NRDC: variants seen among roughly 807,000 people sequenced by gnomAD.
NRDC encodes nardilysin.
Under a neutral mutation model 147.1 loss-of-function variants are expected in NRDC, and 54 were observed. The ratio of observed to expected loss-of-function variants is 0.37; its 90% CI spans 0.29 to 0.46. NRDC has a LOEUF of 0.46. Ranked by LOEUF, NRDC falls within the 20% of genes least tolerant of loss-of-function variation. The probability of loss-of-function intolerance (pLI) is 1.00; values close to 1 mark genes in which losing one functional copy is unlikely to be tolerated. For missense variants in NRDC, 1,082 were observed against 1,370.6 expected (o/e 0.79, Z 3.33); for synonymous variants, 440 against 482.1 (o/e 0.91, Z 1.14).
chr1:51,840,418 T>G lies in NRDC; in HGVS notation c.438A>C (p.Glu146Asp). ...KTGNTTDDEE[E>D]EEVEEEEEDD... ...CTTCTTCTTCTTCCTCCACCTCCTC[T>G]TCTTCTTCATCATCTGTTGTATTTC... Residue 146 changes from glutamate (E) to aspartate (D), a missense_variant, in exon 2 of 31, where the codon GAA (glutamate) becomes GAC (aspartate). By Grantham distance (45) the Glu-to-Asp change is conservative. Around this residue, in one of 3 missense-constraint regions of NRDC, gnomAD observed 260 missense variants for 253.2 expected, o/e 1.03. Coordinates refer to ENST00000352171, the MANE Select transcript of NRDC (RefSeq NM_001101662.2). 6.2e-7 allele frequency: 1 copy of G among 1,600,822 alleles called. No individual in the cohort carries two copies. Among genetic ancestry groups the G allele is most frequent in the Non-Finnish European group, 8.6e-7 (1 of 1,168,178 alleles).
Position 51,878,625 on chromosome 1 carries a change from A to C in NRDC, c.-10T>G. On this transcript the variant is annotated 5_prime_UTR_variant, in exon 1 of 31. Coordinates refer to ENST00000352171, the MANE Select transcript of NRDC (RefSeq NM_001101662.2). ...TGACTCTCCTCAGCATTCACCACCA[A>C]GCTGGAGCGATGGACATCCCGCTTC... 1.2e-6 allele frequency: 2 copies of C among 1,601,192 alleles called. No homozygotes were observed. Among genetic ancestry groups the C allele is most frequent in the Non-Finnish European group, 1.7e-6 (2 of 1,173,386 alleles).
chr1:51,818,197 G>A lies in NRDC; in HGVS notation c.1292-62C>T, dbSNP rs189908169. On this transcript the variant is annotated intron_variant, in intron 9 of 30. Coordinates refer to ENST00000352171, the MANE Select transcript of NRDC (RefSeq NM_001101662.2). ...TGTTTCTCTATGACTTTTACTACAA[G>A]AATGTTTAAAATTCAATATATTTAT... is the stretch of plus-strand genomic sequence containing the variant. 7.0e-5 allele frequency: 75 copies of A among 1,079,006 alleles called. No homozygotes were observed. The Admixed American group carries it at 1.8e-3, about 27-fold the overall frequency. 66.8% of individuals were successfully genotyped at this position (1,079,006 alleles called of 1,614,324 possible). A position where few individuals can be genotyped will look rare whatever the true frequency, so the allele number is the denominator to read the frequency against.
chr1:51,840,210 C>CA lies in NRDC; in HGVS notation c.630+15dup. The CA allele has an allele frequency of 6.4e-7, 1 of 1,563,256 alleles. No homozygotes were observed. The highest frequency in any genetic ancestry group is 8.6e-7 in the Non-Finnish European group (1 of 1,159,568). ...AAAGAATTCCCAAATTAGAAGAAAA[C>CA]AGACATGACTCGCACCTGTTTTTCA... On this transcript the variant is annotated intron_variant, in intron 2 of 30. Coordinates refer to ENST00000352171, the MANE Select transcript of NRDC (RefSeq NM_001101662.2).
At chr1:51,830,256 T>C (rs570497816) in intron 4 of NRDC, among the ~76,000 whole-genome samples, 1 of 152,236 alleles carries the variant, frequency 6.6e-6, no homozygotes, top group African/African-American at 2.4e-5. Flanking sequence ...AGCCACTGCG[T>C]CTGGCCTTTA....
At chr1:51,807,941 G>T (rs1238159023) in intron 17 of NRDC, among the ~76,000 whole-genome samples, 2 of 151,974 alleles carry the variant, frequency 1.3e-5, no homozygotes, top group African/African-American at 4.8e-5. Flanking sequence ...AAATAGCTGG[G>T]ATTACAGGCA....
At chr1:51,854,294 G>A (rs144997908) in intron 1 of NRDC, among the ~76,000 whole-genome samples, 14,095 of 152,210 alleles carry the variant, frequency 0.093, 1,234 homozygotes, top group African/African-American at 0.23. Flanking sequence ...CTTGAACCCA[G>A]GAGGCAGAGG....
chr1:51,831,453 G>C (rs181187105), intron 4 of NRDC, among the ~76,000 whole-genome samples: 170 of 152,292 alleles, frequency 1.1e-3, no homozygotes, highest in African/African-American at 4.0e-3. Flanking sequence ...TCTGTAACAA[G>C]AGTAAAGATG....
At chr1:51,870,587 C>T (rs150085565) in intron 1 of NRDC, among the ~76,000 whole-genome samples, 167 of 152,246 alleles carry the variant, frequency 1.1e-3, no homozygotes, top group African/African-American at 4.0e-3. Flanking sequence ...ATTTCAATGA[C>T]TACTTTACAA....
At chr1:51,858,523 G>T (rs778491022) in intron 1 of NRDC, among the ~76,000 whole-genome samples, 7 of 146,114 alleles carry the variant, frequency 4.8e-5, no homozygotes, top group African/African-American at 1.5e-4. Context: ...TAATTCACAA[G>T]AATAATTAAA....
At chr1:51,829,191 G>C (rs1680589712) in intron 4 of NRDC, among the ~76,000 whole-genome samples, 2 of 152,118 alleles carry the variant, frequency 1.3e-5, no homozygotes, top group African/African-American at 4.8e-5. Context: ...AGCATCCCAA[G>C]TAGCTGAGGC....
intron 1 of NRDC, among the ~76,000 whole-genome samples, chr1:51,872,326 A>G (rs1683124435): frequency 6.6e-6 from 1 of 152,130 alleles, no homozygotes; most frequent in South Asian, 2.1e-4. Context: ...TTTTCCTAAA[A>G]CACACAGACA....
At chr1:51,807,971 A>G (rs1679546063) in intron 17 of NRDC, among the ~76,000 whole-genome samples, 1 of 151,712 alleles carries the variant, frequency 6.6e-6, no homozygotes, top group South Asian at 2.1e-4. Context: ...ACGCCTGGCT[A>G]ATTTTGTATT....
intron 11 of NRDC, among the ~76,000 whole-genome samples, chr1:51,815,238 G>A (rs901058453): frequency 6.9e-6 from 1 of 144,662 alleles, no homozygotes; most frequent in African/African-American, 2.6e-5. Flanking sequence ...TGCCCAGTCT[G>A]GTCTCGAACT....
chr1:51,852,924 T>C (rs1266996810), intron 1 of NRDC, among the ~76,000 whole-genome samples: 3 of 152,008 alleles, frequency 2.0e-5, no homozygotes, highest in Non-Finnish European at 4.4e-5. Context: ...TTTCAGAATA[T>C]TACATAAAAG....
chr1:51,843,890 G>C (rs997616266), intron 1 of NRDC, among the ~76,000 whole-genome samples: 1 of 149,518 alleles, frequency 6.7e-6, no homozygotes, highest in African/African-American at 2.4e-5. Flanking sequence ...AGCCAGGGAA[G>C]GGGAACTTTA....
In NRDC at chr1:51,867,276, A is replaced by C. The variant is rs141384585; in HGVS notation, c.341+10999T>G. 2.0e-5 allele frequency among the ~76,000 whole-genome samples: 3 copies of C among 152,370 alleles called. No individual in the cohort carries two copies. The East Asian group carries it at 5.8e-4, about 29-fold the overall frequency. On this transcript the variant is annotated intron_variant, in intron 1 of 30. Coordinates refer to ENST00000352171, the MANE Select transcript of NRDC (RefSeq NM_001101662.2). ...AGAAATGGAAGCAAGACTTTAAAAC[A>C]GGCACTATTCTAGGCACTGGCGATA...
chr1:51,861,507 T>C (rs1682541116), intron 1 of NRDC, among the ~76,000 whole-genome samples: 1 of 146,530 alleles, frequency 6.8e-6, no homozygotes, highest in Admixed American at 6.7e-5. Context: ...TTATTATTAT[T>C]ATTATTTTTT....
intron 4 of NRDC, among the ~76,000 whole-genome samples, chr1:51,831,884 CAT>C (rs1405969333): frequency 6.6e-6 from 1 of 151,698 alleles, no homozygotes; most frequent in African/African-American, 2.4e-5. Context: ...GCCGAGATCA[CAT>C]CACTGCACTC....
chr1:51,851,319 C>T (rs1181302022), intron 1 of NRDC, among the ~76,000 whole-genome samples: 4 of 151,984 alleles, frequency 2.6e-5, no homozygotes, highest in African/African-American at 2.4e-5. Flanking sequence ...GAGCTGAAGA[C>T]TGAAACCTTG....
Sources: allele counts gnomAD v4.1 joint callset (sites outside exome capture counted in the v4.1 genomes callset), GRCh38; gene constraint gnomAD v4.1.1; regional missense constraint gnomAD v4.1.1; transcripts MANE v1.5; gene names NCBI Gene and HGNC (gene_info 2026-07-23, HGNC 2026-07-21).